Variants in ZFPM2 observed in about 807,000 individuals in gnomAD.
ZFPM2 encodes zinc finger protein ZFPM2.
In ZFPM2, 20 loss-of-function variants were observed where a neutral mutation model predicts 98.6. That is an observed-to-expected ratio of 0.20 (90% CI 0.14 to 0.29). The LOEUF (loss-of-function observed/expected upper bound fraction) is 0.29, where lower values mean the gene tolerates loss of function less well. Ranked by LOEUF, ZFPM2 falls within the 10% of genes least tolerant of loss-of-function variation. The pLI, the probability that ZFPM2 is intolerant of heterozygous loss-of-function variation, is 1.00. For missense variants in ZFPM2, 1,310 were observed against 1,388.6 expected (o/e 0.94, Z 0.90); for synonymous variants, 518 against 502.7 (o/e 1.03, Z -0.41).
chr8:105,691,231 CTTTTTTTTTT>C (rs869164122), intron 5 of ZFPM2, among the ~76,000 whole-genome samples: 6 of 67,966 alleles, frequency 8.8e-5, no homozygotes, highest in Admixed American at 1.6e-4. Flanking sequence ...CCCAAAGAGA[CTTTTTTTTTT>C]TTTTTTTTTT....
rs1284367395 is a variant in ZFPM2, at chr8:105,792,581, T to A, written c.739+3657T>A. ...ATTCTGTTGATTTGGTGTGGAGAGTTCTGTAGATGTCTATTAGGTCTGCTT... is the reference window on the plus strand; with the variant it reads ...ATTCTGTTGATTTGGTGTGGAGAGTACTGTAGATGTCTATTAGGTCTGCTT... On this transcript the variant is annotated intron_variant, in intron 6 of 7. Coordinates refer to ENST00000407775, the MANE Select transcript of ZFPM2 (RefSeq NM_012082.4). 5.3e-5 allele frequency among the ~76,000 whole-genome samples: 8 copies of A among 152,162 alleles called. No individual in the cohort carries two copies. In the East Asian group the frequency reaches 1.5e-3, roughly 29 times the overall value.
chr8:105,359,367 C>CTTTTTTTTT (rs111675257), intron 1 of ZFPM2, among the ~76,000 whole-genome samples: 143 of 135,162 alleles, frequency 1.1e-3, no homozygotes, highest in Non-Finnish European at 1.7e-3. Context: ...CTTTTTCTTT[C>CTTTTTTTTT]TTTTTTTTTT....
chr8:105,399,247 C>T (rs1396761910), intron 1 of ZFPM2, among the ~76,000 whole-genome samples: 1 of 152,122 alleles, frequency 6.6e-6, no homozygotes, highest in Non-Finnish European at 1.5e-5. Flanking sequence ...AATTTATATC[C>T]TGTGACAAGC....
rs1366807725 is a variant in ZFPM2 at position 105,803,549 on chromosome 8, C to T, written c.*11C>T. 3 of 1,596,046 alleles carry T rather than the reference C, an allele frequency of 1.9e-6. No individual in the cohort carries two copies. Among genetic ancestry groups the T allele is most frequent in the Admixed American group, 3.5e-5 (2 of 57,214 alleles). On this transcript the variant is annotated 3_prime_UTR_variant, in exon 8 of 8. Coordinates refer to ENST00000407775, the MANE Select transcript of ZFPM2 (RefSeq NM_012082.4). ...GAACATGTCAAATGAACTAACTAAA[C>T]ATCAGTCACCTTTGGTATCAGTGTT... is the stretch of plus-strand genomic sequence containing the variant.
chr8:105,377,725 A>G (rs1419397658), intron 1 of ZFPM2, among the ~76,000 whole-genome samples: 3 of 151,342 alleles, frequency 2.0e-5, no homozygotes, highest in African/African-American at 7.3e-5. Context: ...GGTTGCAGTG[A>G]GCCGAGATTG....
chr8:105,411,920 T>C (rs1251038109), intron 1 of ZFPM2, among the ~76,000 whole-genome samples: 1 of 151,896 alleles, frequency 6.6e-6, no homozygotes, highest in East Asian at 1.9e-4. Context: ...TATCAGTGTT[T>C]AATCTACTGT....
chr8:105,443,068 G>A (rs1220890062), intron 2 of ZFPM2, among the ~76,000 whole-genome samples: 2 of 151,972 alleles, frequency 1.3e-5, no homozygotes, highest in African/African-American at 4.8e-5. Context: ...CAGCACTGTG[G>A]GAGGCCGAGG....
At chr8:105,427,434 A>G (rs539822458) in intron 2 of ZFPM2, among the ~76,000 whole-genome samples, 3 of 152,340 alleles carry the variant, frequency 2.0e-5, no homozygotes, top group South Asian at 2.1e-4. Context: ...GAGCTGGCCA[A>G]CAGATCTCAA....
intron 4 of ZFPM2, among the ~76,000 whole-genome samples, chr8:105,588,353 G>A (rs1450224873): frequency 6.6e-6 from 1 of 151,868 alleles, no homozygotes; most frequent in Non-Finnish European, 1.5e-5. Flanking sequence ...TATGGGAAAT[G>A]TAGAGCAAAT....
intron 1 of ZFPM2, among the ~76,000 whole-genome samples, chr8:105,406,291 A>T (rs148036956): frequency 0.021 from 3,233 of 151,818 alleles, 107 homozygotes; most frequent in African/African-American, 0.073. Flanking sequence ...TTAGATCCCA[A>T]TTGTCAATTT....
chr8:105,472,045 G>A (rs1487101554), intron 3 of ZFPM2, among the ~76,000 whole-genome samples: 2 of 152,148 alleles, frequency 1.3e-5, no homozygotes, highest in African/African-American at 4.8e-5. Flanking sequence ...TTTTATGCAT[G>A]ATGATCTCTG....
At chr8:105,619,474 GAATA>G (rs1816488317) in intron 4 of ZFPM2, among the ~76,000 whole-genome samples, 1 of 151,624 alleles carries the variant, frequency 6.6e-6, no homozygotes, top group African/African-American at 2.4e-5. Flanking sequence ...AAATGTTACT[GAATA>G]AATAATGAAT....
intron 3 of ZFPM2, among the ~76,000 whole-genome samples, chr8:105,453,294 T>A (rs1293220991): frequency 1.3e-5 from 2 of 152,196 alleles, no homozygotes. Flanking sequence ...AAAATTGTTT[T>A]AATAATGATT....
At chr8:105,459,819 A>G (rs1812670278) in intron 3 of ZFPM2, among the ~76,000 whole-genome samples, 1 of 152,146 alleles carries the variant, frequency 6.6e-6, no homozygotes, top group African/African-American at 2.4e-5. Flanking sequence ...ATTGGGTATT[A>G]GGGCCTCAAT....
intron 3 of ZFPM2, among the ~76,000 whole-genome samples, chr8:105,543,193 G>A (rs1413649505): frequency 1.3e-5 from 2 of 152,128 alleles, no homozygotes; most frequent in Non-Finnish European, 2.9e-5. Flanking sequence ...TTTAAGAGAA[G>A]CGAAATACAA....
chr8:105,645,672 C>T (rs933250755), intron 5 of ZFPM2, among the ~76,000 whole-genome samples: 1 of 152,096 alleles, frequency 6.6e-6, no homozygotes, highest in Non-Finnish European at 1.5e-5. Context: ...AAGCCAAAAA[C>T]AGATACTTTG....
chr8:105,608,375 A>G (rs765328652), intron 4 of ZFPM2, among the ~76,000 whole-genome samples: 1 of 152,128 alleles, frequency 6.6e-6, no homozygotes, highest in Non-Finnish European at 1.5e-5. Flanking sequence ...TTATTCTTGC[A>G]TGTTACACCT....
chr8:105,340,872 A>G (rs2129661625), intron 1 of ZFPM2, among the ~76,000 whole-genome samples: 1 of 152,090 alleles, frequency 6.6e-6, no homozygotes, highest in Admixed American at 6.6e-5. Context: ...AAAATAGGGT[A>G]ACGTGACAAA....
intron 5 of ZFPM2, among the ~76,000 whole-genome samples, chr8:105,693,939 C>T (rs1274429068): frequency 1.4e-5 from 2 of 147,738 alleles, no homozygotes; most frequent in Non-Finnish European, 3.0e-5. Context: ...TTGAAATATA[C>T]AATATATTAT....
Sources: allele counts gnomAD v4.1 joint callset (sites outside exome capture counted in the v4.1 genomes callset), GRCh38; gene constraint gnomAD v4.1.1; transcripts MANE v1.5; gene names NCBI Gene and HGNC (gene_info 2026-07-23, HGNC 2026-07-21).